The following TENM2 variants were observed in gnomAD, a reference collection of about 807,000 sequenced individuals.
TENM2 encodes teneurin-2.
In TENM2, 52 loss-of-function variants were observed where a neutral mutation model predicts 245.2. The observed-to-expected ratio is 0.21, with a 90% confidence interval of 0.17 to 0.27. TENM2 has a LOEUF of 0.27. TENM2 is among the 10% of genes least tolerant of loss of function. The pLI, the probability that TENM2 is intolerant of heterozygous loss-of-function variation, is 1.00. For synonymous variants in TENM2, 1,363 were observed against 1,438.9 expected, an observed-to-expected ratio of 0.95 and a Z score of 1.19; for missense variants, 3,046 against 3,666.8, an observed-to-expected ratio of 0.83 and a Z score of 4.37.
intron 2 of TENM2, among the ~76,000 whole-genome samples, chr5:167,848,249 A>G (rs1250586691): frequency 6.6e-6 from 1 of 152,210 alleles, no homozygotes; most frequent in African/African-American, 2.4e-5. Context: ...TAGTGAATGC[A>G]TAATAGAGTT....
intron 19 of TENM2, among the ~76,000 whole-genome samples, chr5:168,206,987 T>A (rs1288931594): frequency 2.6e-5 from 4 of 152,130 alleles, no homozygotes; most frequent in Non-Finnish European, 5.9e-5. Flanking sequence ...CTCTACCTAA[T>A]CTACCACATC....
At chr5:167,700,384 C>T (rs985386843) in intron 2 of TENM2, among the ~76,000 whole-genome samples, 1 of 152,216 alleles carries the variant, frequency 6.6e-6, no homozygotes, top group African/African-American at 2.4e-5. Flanking sequence ...ATCCCCACAA[C>T]CCTTGGGCAG....
chr5:167,462,164 A>C (rs1766336655), intron 2 of TENM2, among the ~76,000 whole-genome samples: 1 of 128,038 alleles, frequency 7.8e-6, no homozygotes, highest in Non-Finnish European at 1.7e-5. Context: ...CTGAAACGGG[A>C]GAGTTCCCTG....
At chr5:167,516,487 GCTTGTGCTCTTGA>G (rs1389378521) in intron 2 of TENM2, among the ~76,000 whole-genome samples, 1 of 152,180 alleles carries the variant, frequency 6.6e-6, no homozygotes, top group East Asian at 1.9e-4. Context: ...TGTAGCTTTT[GCTTGTGCTCTTGA>G]CTAGTAACTT....
chr5:168,184,669 G>A (rs1760229575), intron 13 of TENM2, among the ~76,000 whole-genome samples: 1 of 152,158 alleles, frequency 6.6e-6, no homozygotes, highest in African/African-American at 2.4e-5. Flanking sequence ...CCTCCTCCAG[G>A]CAGAAAGGTG....
chr5:168,149,671 G>A (rs1295449119), intron 12 of TENM2, among the ~76,000 whole-genome samples: 1 of 152,094 alleles, frequency 6.6e-6, no homozygotes, highest in Non-Finnish European at 1.5e-5. Context: ...TCCTCTCTCT[G>A]TTCCTCACCC....
intron 27 of TENM2, among the ~76,000 whole-genome samples, chr5:168,255,596 C>T (rs991212238): frequency 2.7e-4 from 41 of 152,042 alleles, no homozygotes; most frequent in African/African-American, 8.9e-4. Context: ...TGAGCCACCA[C>T]GCCTGGCCTC....
chr5:168,076,362 A>C (rs1791477487), intron 7 of TENM2, among the ~76,000 whole-genome samples: 1 of 151,788 alleles, frequency 6.6e-6, no homozygotes, highest in Admixed American at 6.6e-5. Flanking sequence ...CATAGCTGGG[A>C]CTACAGGTGC....
intron 7 of TENM2, among the ~76,000 whole-genome samples, chr5:168,079,983 T>G (rs1360799827): frequency 6.6e-6 from 1 of 152,202 alleles, no homozygotes; most frequent in Non-Finnish European, 1.5e-5. Flanking sequence ...TTCTATTAAT[T>G]GGAATAGTTT....
At chr5:167,613,812 A>G (rs62382793) in intron 2 of TENM2, among the ~76,000 whole-genome samples, 160 of 152,286 alleles carry the variant, frequency 1.1e-3, no homozygotes, top group Non-Finnish European at 1.7e-3. Context: ...GAAAATACCA[A>G]TAGGTAAATA....
chr5:167,000,619 G>T, the TENM2 span, among the ~76,000 whole-genome samples: 1 of 152,012 alleles, frequency 6.6e-6, no homozygotes, highest in Admixed American at 6.6e-5. Context: ...TATTTATTCT[G>T]GTCTGATTGC....
chr5:168,124,917 T>G lies in TENM2; in HGVS notation c.2076T>G (p.Pro692=), dbSNP rs769685604. The G allele has an allele frequency of 1.2e-5, 20 of 1,612,982 alleles. No individual in the cohort carries two copies. In the South Asian group the frequency reaches 2.2e-4, roughly 18 times the overall value. Reference sequence around the variant, plus strand: ...TGAATGGAGAATGCCTGTGCAGCCCTGGCTGGGGTGGTCTGAACTGTGAGC... The same window carrying G: ...TGAATGGAGAATGCCTGTGCAGCCCGGGCTGGGGTGGTCTGAACTGTGAGC... Residue 692 remains proline (P), a synonymous_variant, in exon 11 of 29, where the codon CCT becomes CCG. Coordinates refer to ENST00000518659, the Ensembl canonical transcript of TENM2.
At chr5:167,391,932 G>A (rs1761783822) in intron 2 of TENM2, among the ~76,000 whole-genome samples, 1 of 152,088 alleles carries the variant, frequency 6.6e-6, no homozygotes, top group South Asian at 2.1e-4. Context: ...AGAGAGAAGA[G>A]GAGGGAGCCA....
In TENM2 at chr5:167,762,345, G is replaced by A. The variant is rs571712193; in HGVS notation, c.503-113641G>A. Among the ~76,000 whole-genome samples the A allele has an allele frequency of 7.2e-5, 11 of 152,262 alleles. 1 individual carries two copies. The South Asian group carries it at 1.0e-3, about 14-fold the overall frequency. ...GTCTAATCTTCTGCTTTTCAACTGC[G>A]TAAAGCATCAAAGCTTCTTTATCAG... On this transcript the variant is annotated intron_variant, in intron 2 of 28. Transcript: ENST00000518659.
At chr5:167,078,623 A>G in the TENM2 span, among the ~76,000 whole-genome samples, 1 of 152,224 alleles carries the variant, frequency 6.6e-6, no homozygotes, top group East Asian at 1.9e-4. Flanking sequence ...CATGTTCCTT[A>G]AAGTCTCTGT....
chr5:167,463,873 T>G (rs1361192074), intron 2 of TENM2, among the ~76,000 whole-genome samples: 1 of 152,204 alleles, frequency 6.6e-6, no homozygotes, highest in Non-Finnish European at 1.5e-5. Flanking sequence ...GTTTGTTTCT[T>G]AACTATTAGA....
At chr5:167,228,669 A>G in the TENM2 span, among the ~76,000 whole-genome samples, 5 of 151,778 alleles carry the variant, frequency 3.3e-5, no homozygotes, top group Admixed American at 3.3e-4. Context: ...TCCTTACATT[A>G]ATAATCTGGA....
At chr5:167,567,566 C>T (rs58310152) in intron 2 of TENM2, among the ~76,000 whole-genome samples, 4,372 of 152,138 alleles carry the variant, frequency 0.029, 165 homozygotes, top group African/African-American at 0.086. Flanking sequence ...AATGTATAAA[C>T]GATTGGGGGA....
intron 2 of TENM2, among the ~76,000 whole-genome samples, chr5:167,416,649 C>A (rs1322278438): frequency 2.0e-5 from 3 of 151,666 alleles, no homozygotes; most frequent in African/African-American, 7.3e-5. Context: ...CACCTCAGTA[C>A]AACTATTATA....
Sources: gnomAD v4.1 joint callset for allele counts (sites outside exome capture counted in the v4.1 genomes callset) on GRCh38, gnomAD v4.1.1 for gene constraint, MANE v1.5 for transcripts, NCBI Gene and HGNC (gene_info 2026-07-23, HGNC 2026-07-21) for gene names.